SEMA3A: variants seen among roughly 807,000 people sequenced by gnomAD.
The protein encoded by SEMA3A is semaphorin-3A.
Under a neutral mutation model 97.9 loss-of-function variants are expected in SEMA3A, and 29 were observed. The observed-to-expected ratio is 0.30, with a 90% CI of 0.22 to 0.40. The LOEUF is 0.40. Ranked by LOEUF, SEMA3A falls within the 10% of genes least tolerant of loss-of-function variation. The pLI, the probability that SEMA3A is intolerant of heterozygous loss-of-function variation, is 1.00. For synonymous variants in SEMA3A, 321 were observed against 323.7 expected, an observed-to-expected ratio of 0.99 and a Z score of 0.09; for missense variants, 763 against 951.3, an observed-to-expected ratio of 0.80 and a Z score of 2.60.
At chr7:84,165,604 G>A (rs1451298200) in intron 1 of SEMA3A, among the ~76,000 whole-genome samples, 1 of 152,098 alleles carries the variant, frequency 6.6e-6, no homozygotes, top group Non-Finnish European at 1.5e-5. Flanking sequence ...CCAGGCTGCA[G>A]TGCAGTGTCG....
At chr7:84,328,321 C>G (rs1030059997) in intron 2 of SEMA3A, among the ~76,000 whole-genome samples, 1 of 151,826 alleles carries the variant, frequency 6.6e-6, no homozygotes, top group African/African-American at 2.4e-5. Flanking sequence ...GATAAACATA[C>G]GTAAACATGA....
intron 1 of SEMA3A, among the ~76,000 whole-genome samples, chr7:84,382,199 C>T (rs1229045986): frequency 6.6e-6 from 1 of 152,016 alleles, no homozygotes; most frequent in African/African-American, 2.4e-5. Flanking sequence ...ACTCTGCCTC[C>T]TGGGTTCAAA....
At chr7:84,250,850 T>TA (rs1196350715) in intron 3 of SEMA3A, among the ~76,000 whole-genome samples, 1 of 152,196 alleles carries the variant, frequency 6.6e-6, no homozygotes, top group Non-Finnish European at 1.5e-5. Context: ...ATCATTTGCT[T>TA]AAAAAAATCT....
intron 5 of SEMA3A, among the ~76,000 whole-genome samples, chr7:84,046,734 A>T (rs1234461146): frequency 1.3e-5 from 2 of 152,038 alleles, no homozygotes. Flanking sequence ...TAAAACATAA[A>T]ATTTTATTAT....
chr7:83,962,948 G>A (rs1788529599), intron 16 of SEMA3A, among the ~76,000 whole-genome samples: 1 of 151,916 alleles, frequency 6.6e-6, no homozygotes. Context: ...AAGAAATAAG[G>A]GGAGTCTAAT....
intron 2 of SEMA3A, among the ~76,000 whole-genome samples, chr7:84,310,110 A>G (rs1035169422): frequency 6.6e-6 from 1 of 152,140 alleles, no homozygotes; most frequent in Admixed American, 6.6e-5. Context: ...GGTTTTAACT[A>G]TTTCAGGTAT....
chr7:84,408,550 C>A (rs1201526707), intron 1 of SEMA3A, among the ~76,000 whole-genome samples: 1 of 152,022 alleles, frequency 6.6e-6, no homozygotes, highest in East Asian at 1.9e-4. Context: ...TGGCTATATA[C>A]CCAAAGGATT....
At chr7:84,320,582 C>T (rs1292635859) in intron 2 of SEMA3A, among the ~76,000 whole-genome samples, 7 of 151,892 alleles carry the variant, frequency 4.6e-5, no homozygotes, top group Admixed American at 4.6e-4. Flanking sequence ...GCAAAATAAA[C>T]GAACAGTTTA....
intron 4 of SEMA3A, among the ~76,000 whole-genome samples, chr7:84,089,490 T>C (rs1275875481): frequency 6.9e-6 from 1 of 145,328 alleles, no homozygotes; most frequent in East Asian, 2.1e-4. Flanking sequence ...TTGATTTTAA[T>C]GTAATTATGG....
In SEMA3A at chr7:84,103,899, T is replaced by C. The variant is rs118086615; in HGVS notation, c.453+6571A>G. Reference sequence around the variant, plus strand: ...AAATTTAATATTTATAACAAATTAATGGAGGCTTTTATGAATAGAAATTTC... The same window carrying C: ...AAATTTAATATTTATAACAAATTAACGGAGGCTTTTATGAATAGAAATTTC... On this transcript the variant is annotated intron_variant, in intron 4 of 16. Coordinates refer to ENST00000265362, the MANE Select transcript of SEMA3A (RefSeq NM_006080.3). Among the ~76,000 whole-genome samples the C allele has an allele frequency of 1.3e-3, 200 of 152,180 alleles. 1 individual carries two copies. In the East Asian group the frequency reaches 0.017, roughly 13 times the overall value.
chr7:84,055,007 AG>A (rs1792889799), intron 5 of SEMA3A, among the ~76,000 whole-genome samples: 1 of 152,098 alleles, frequency 6.6e-6, no homozygotes, highest in African/African-American at 2.4e-5. Context: ...CCTCCCAGTT[AG>A]GCTGCTCAGG....
intron 1 of SEMA3A, among the ~76,000 whole-genome samples, chr7:84,382,495 G>C (rs901854547): frequency 1.3e-5 from 2 of 151,398 alleles, no homozygotes; most frequent in Non-Finnish European, 1.5e-5. Flanking sequence ...AAAAATCAGA[G>C]ATTGAATGAG....
chr7:84,434,172 T>C (rs1805060839), intron 1 of SEMA3A, among the ~76,000 whole-genome samples: 1 of 152,110 alleles, frequency 6.6e-6, no homozygotes, highest in South Asian at 2.1e-4. Flanking sequence ...AGATAATTAG[T>C]GATGTGGATC....
chr7:84,402,122 A>G lies in SEMA3A; in HGVS notation c.-245-30222T>C, dbSNP rs1276785711. On this transcript the variant is annotated intron_variant, in intron 1 of 3. Coordinates refer to the SEMA3A transcript ENST00000424555. ...AACAAAGAGTTAATTGCTAGAAAATATAAGGAAGTCAAACCATTGGGTAGC... is the reference window on the plus strand; with the variant it reads ...AACAAAGAGTTAATTGCTAGAAAATGTAAGGAAGTCAAACCATTGGGTAGC... 3.3e-5 allele frequency among the ~76,000 whole-genome samples: 5 copies of G among 152,314 alleles called. No homozygotes were observed. The East Asian group carries it at 9.6e-4, about 29-fold the overall frequency.
At chr7:84,305,023 G>T (rs760583550) in intron 3 of SEMA3A, among the ~76,000 whole-genome samples, 7 of 151,874 alleles carry the variant, frequency 4.6e-5, no homozygotes, top group Admixed American at 1.3e-4. Flanking sequence ...CATGTTGAGG[G>T]AAGAGTCAAC....
intron 1 of SEMA3A, among the ~76,000 whole-genome samples, chr7:84,147,916 CTTTTTG>C (rs956777070): frequency 2.0e-5 from 3 of 151,018 alleles, no homozygotes; most frequent in African/African-American, 7.3e-5. Flanking sequence ...TCCTTCCTTC[CTTTTTG>C]TTTTTGAGAC....
chr7:84,441,013 C>G (rs1805259051), intron 1 of SEMA3A, among the ~76,000 whole-genome samples: 1 of 151,926 alleles, frequency 6.6e-6, no homozygotes, highest in Non-Finnish European at 1.5e-5. Context: ...ACAAAATTAT[C>G]CGGGCGTCGG....
chr7:84,064,987 C>A (rs1232995541), intron 4 of SEMA3A, among the ~76,000 whole-genome samples: 5 of 152,226 alleles, frequency 3.3e-5, no homozygotes, highest in African/African-American at 1.2e-4. Context: ...CACCACACCA[C>A]ACCTATTCCA....
intron 12 of SEMA3A, among the ~76,000 whole-genome samples, chr7:83,997,069 T>A (rs1415326606): frequency 6.6e-6 from 1 of 152,212 alleles, no homozygotes; most frequent in Non-Finnish European, 1.5e-5. Flanking sequence ...GGTGTAGCAC[T>A]GGTTTTAATT....
Sources: allele counts gnomAD v4.1 joint callset (sites outside exome capture counted in the v4.1 genomes callset), GRCh38; gene constraint gnomAD v4.1.1; transcripts MANE v1.5; gene names NCBI Gene and HGNC (gene_info 2026-07-23, HGNC 2026-07-21).